ANKRD40: variants seen among roughly 807,000 people sequenced by gnomAD.
ANKRD40 encodes the protein ankyrin repeat domain-containing protein 40.
Under a neutral mutation model 35.5 loss-of-function variants are expected in ANKRD40, and 24 were observed. That is an observed-to-expected ratio of 0.68 (90% CI 0.49 to 0.95). The LOEUF is 0.95. ANKRD40 is among the 40% of genes least tolerant of loss of function. The pLI is 0.00. For synonymous variants in ANKRD40, 147 were observed against 173.5 expected (o/e 0.85, Z 1.20); for missense variants, 361 against 436.0 (o/e 0.83, Z 1.53).
rs1033306495 is a variant in ANKRD40, at chr17:50,707,155, C to T, written c.134+366G>A. ...CTCTGCAAGATGCGTTCTCCAGAAG[C>T]ACCTACGGCAAATTAACTCAACACT... is the stretch of plus-strand genomic sequence containing the variant. On this transcript the variant is annotated intron_variant, in intron 1 of 4. Coordinates refer to ENST00000285243, the MANE Select transcript of ANKRD40 (RefSeq NM_052855.4). The surrounding 1 kb of genome is among the most constrained non-coding windows in gnomAD (Gnocchi z 4.8). 6.6e-6 allele frequency among the ~76,000 whole-genome samples: 1 copy of T among 152,116 alleles called. No homozygotes were observed. The highest frequency in any genetic ancestry group is 1.5e-5 in the Non-Finnish European group (1 of 68,020).
chr17:50,698,146 A>G (rs1367418017), intron 3 of ANKRD40, among the ~76,000 whole-genome samples: 1 of 151,832 alleles, frequency 6.6e-6, no homozygotes, highest in Non-Finnish European at 1.5e-5. Context: ...TGTGCCCTAA[A>G]TACCATTCTC....
At chr17:50,702,853 CTGCAGCCAGG>C (rs1181633511) in intron 1 of ANKRD40, among the ~76,000 whole-genome samples, 2 of 152,154 alleles carry the variant, frequency 1.3e-5, no homozygotes, top group African/African-American at 2.4e-5. Context: ...CTCAGAGCCC[CTGCAGCCAGG>C]TAATATTTTC....
chr17:50,706,246 C>CA, intron 1 of ANKRD40, among the ~76,000 whole-genome samples: 1 of 151,936 alleles, frequency 6.6e-6, no homozygotes, highest in East Asian at 1.9e-4. Context: ...CTCAGCCTCC[C>CA]AAGTAGCTGA....
rs1968237173 is a variant in ANKRD40, at chr17:50,699,377, CTGTT to C, written c.778+18_778+21del. The C allele has an allele frequency of 6.2e-7, 1 of 1,606,096 alleles. No individual in the cohort carries two copies. The highest frequency in any genetic ancestry group is 8.5e-7 in the Non-Finnish European group (1 of 1,174,584). Reference sequence around the variant, plus strand: ...GACACCAACTCCCCTGTTGCAGAGGCTGTTTGCTGATGAGGGGTTACCTTGCATA... The same window carrying C: ...GACACCAACTCCCCTGTTGCAGAGGCTGCTGATGAGGGGTTACCTTGCATA... On this transcript the variant is annotated intron_variant, in intron 3 of 4. Coordinates refer to ENST00000285243, the MANE Select transcript of ANKRD40 (RefSeq NM_052855.4).
At chr17:50,696,389 G>T (rs963924993) in intron 4 of ANKRD40, among the ~76,000 whole-genome samples, 18 of 152,208 alleles carry the variant, frequency 1.2e-4, no homozygotes, top group African/African-American at 3.6e-4. Context: ...GAGAGGCAAT[G>T]CACAGATCAG....
At chr17:50,706,802 G>T (rs1968344684) in intron 1 of ANKRD40, among the ~76,000 whole-genome samples, 2 of 148,602 alleles carry the variant, frequency 1.3e-5, no homozygotes, top group Admixed American at 1.4e-4. Flanking sequence ...TATTTGGGAG[G>T]CTGTGGCAGG....
At chr17:50,697,776 T>C (rs1968217525) in intron 3 of ANKRD40, among the ~76,000 whole-genome samples, 1 of 152,192 alleles carries the variant, frequency 6.6e-6, no homozygotes, top group Non-Finnish European at 1.5e-5. Flanking sequence ...CCTGTACATT[T>C]GGCAGTTCTG....
chr17:50,704,947 T>C (rs1968313926), intron 1 of ANKRD40, among the ~76,000 whole-genome samples: 1 of 148,904 alleles, frequency 6.7e-6, no homozygotes, highest in Non-Finnish European at 1.5e-5. Flanking sequence ...ACCCCATCTC[T>C]ACTAAAAATA....
chr17:50,701,992 C>G (rs1488425440), intron 1 of ANKRD40, among the ~76,000 whole-genome samples: 1 of 152,140 alleles, frequency 6.6e-6, no homozygotes, highest in Non-Finnish European at 1.5e-5. Context: ...TTCCATGATG[C>G]AATGACAAAA....
In ANKRD40 at chr17:50,694,655, T is replaced by C. The variant is rs902675804; in HGVS notation, c.*1342A>G. The C allele has an allele frequency of 2.6e-5, 4 of 152,222 alleles. No individual in the cohort carries two copies. Among genetic ancestry groups the C allele is most frequent in the African/African-American group, 9.6e-5 (4 of 41,462 alleles). The allele number at this position is 152,222 out of a possible 1,614,324, so 9.4% of individuals were successfully genotyped here. A position where few individuals can be genotyped will look rare whatever the true frequency, so the allele number is the denominator to read the frequency against. ...ATGACACTGAAGGAAAGGAAAAGAA[T>C]CCTTGAATGCATTCTTCTAAAAAAT... On this transcript the variant is annotated 3_prime_UTR_variant, in exon 5 of 5. Coordinates refer to ENST00000285243, the MANE Select transcript of ANKRD40 (RefSeq NM_052855.4).
At chr17:50,704,286 G>A (rs896478576) in intron 1 of ANKRD40, among the ~76,000 whole-genome samples, 1 of 151,628 alleles carries the variant, frequency 6.6e-6, no homozygotes, top group African/African-American at 2.4e-5. Context: ...AGGCCGAGGC[G>A]GGCAGATCAC....
Position 50,694,557 on chromosome 17 carries a change from T to C in ANKRD40, c.*1440A>G, listed in dbSNP as rs1207819966. On this transcript the variant is annotated 3_prime_UTR_variant, in exon 5 of 5. Transcript: ENST00000285243. ...TCAAACCCCTGCTCTCCTGTTTGTC[T>C]AAGTGTGCTAGTTCTTATTTCTGAA... The C allele has an allele frequency of 6.6e-6, 1 of 152,232 alleles. No homozygotes were observed. Among genetic ancestry groups the C allele is most frequent in the African/African-American group, 2.4e-5 (1 of 41,456 alleles). 9.4% of individuals were successfully genotyped at this position (152,232 alleles called of 1,614,324 possible). A position where few individuals can be genotyped will look rare whatever the true frequency, so the allele number is the denominator to read the frequency against.
chr17:50,697,798 G>C (rs1484661224), intron 3 of ANKRD40, among the ~76,000 whole-genome samples: 2 of 152,070 alleles, frequency 1.3e-5, no homozygotes, highest in Admixed American at 1.3e-4. Context: ...TTTGTTCCCT[G>C]TATATGAATC....
rs1440490594 is a variant in ANKRD40 at position 50,707,470 on chromosome 17, C to T, written c.134+51G>A. The T allele has an allele frequency of 1.3e-6, 2 of 1,577,602 alleles. No individual in the cohort carries two copies. Among genetic ancestry groups the T allele is most frequent in the Non-Finnish European group, 1.7e-6 (2 of 1,162,714 alleles). ...GCCCAGGTCGCGACTGACTGCCCCA[C>T]GCCTTCCGACCGGCTGCCCTGACCC... On this transcript the variant is annotated intron_variant, in intron 1 of 4. Coordinates refer to ENST00000285243, the MANE Select transcript of ANKRD40 (RefSeq NM_052855.4). This position sits in a 1 kb window ranked among gnomAD's most constrained non-coding sequence, Gnocchi z 4.8.
chr17:50,707,676 C>T lies in ANKRD40; in HGVS notation c.-22G>A. 1.4e-6 allele frequency: 2 copies of T among 1,448,240 alleles called. No individual in the cohort carries two copies. Among genetic ancestry groups the T allele is most frequent in the East Asian group, 2.9e-5 (1 of 34,632 alleles). 89.7% of individuals were successfully genotyped at this position (1,448,240 alleles called of 1,614,324 possible). ...TCATCTTCCCACAGCCCCAGGCCCC[C>T]GCCCAGGCCCGCCTGCCCCGCCCCG... On this transcript the variant is annotated 5_prime_UTR_variant, in exon 1 of 5. Transcript: ENST00000285243. This position sits in a 1 kb window ranked among gnomAD's most constrained non-coding sequence, Gnocchi z 4.8.
chr17:50,693,323 GA>G lies in ANKRD40; in HGVS notation c.*2673del, dbSNP rs1204114024. 19 of 152,148 alleles carry G rather than the reference GA, an allele frequency of 1.2e-4. No individual in the cohort carries two copies. The highest frequency in any genetic ancestry group is 5.9e-5 in the Non-Finnish European group (4 of 68,032). The allele number at this position is 152,148 out of a possible 1,614,324, so 9.4% of individuals were successfully genotyped here. The stretch of plus-strand genomic sequence containing the variant: ...ATGCTTTAAATATGCAGTGGAGGAG[GA>G]GGGGTGAATTCACAGTTAACAAAGC... On this transcript the variant is annotated 3_prime_UTR_variant, in exon 5 of 5. Coordinates refer to ENST00000285243, the MANE Select transcript of ANKRD40 (RefSeq NM_052855.4).
Position 50,696,930 on chromosome 17 carries a change from C to T in ANKRD40, c.960+10G>A. On this transcript the variant is annotated intron_variant, in intron 4 of 4. Transcript: ENST00000285243. ...CAAAAAGCAGCCATTCATGCTTAGA[C>T]TTTTCTTACCTTCCTTAACAGAGTA... 6.3e-7 allele frequency: 1 copy of T among 1,581,788 alleles called. No homozygotes were observed. The highest frequency in any genetic ancestry group is 1.2e-5 in the South Asian group (1 of 86,128).
chr17:50,702,770 G>A (rs1021305059), intron 1 of ANKRD40, among the ~76,000 whole-genome samples: 7 of 152,148 alleles, frequency 4.6e-5, no homozygotes, highest in Non-Finnish European at 8.8e-5. Flanking sequence ...TCAACATAGC[G>A]TGGCCCCCAC....
intron 1 of ANKRD40, among the ~76,000 whole-genome samples, chr17:50,704,061 G>A (rs117842192): frequency 1.3e-5 from 2 of 151,888 alleles, no homozygotes; most frequent in Non-Finnish European, 2.9e-5. Flanking sequence ...CAGGAGGCAA[G>A]CAGGAGGCAA....
Sources: gnomAD v4.1 joint callset for allele counts (sites outside exome capture counted in the v4.1 genomes callset) on GRCh38, gnomAD v4.1.1 for gene constraint, Gnocchi (gnomAD v3.1) non-coding constraint, MANE v1.5 for transcripts, NCBI Gene and HGNC (gene_info 2026-07-23, HGNC 2026-07-21) for gene names.